DHX33: variants seen among roughly 807,000 people sequenced by gnomAD.
DHX33 encodes the protein ATP-dependent RNA helicase DHX33.
DHX33 carries 42 observed loss-of-function variants against 72.5 expected under a neutral mutation model. The observed-to-expected ratio is 0.58, with a 90% CI of 0.45 to 0.75. The LOEUF (loss-of-function observed/expected upper bound fraction) is 0.75. Among genes scored for constraint, DHX33 ranks in the 30% least tolerant of loss-of-function variants. DHX33 has a pLI of 0.00. For missense variants in DHX33, 842 were observed against 917.5 expected (o/e 0.92, Z 1.06); for synonymous variants, 358 against 366.1 (o/e 0.98, Z 0.25).
rs1380744180 is a variant in DHX33, at chr17:5,456,018, T to A, written c.1014A>T (p.Arg338=). ...YASLPYAQQL[R]VFQGAPKGYR... ...TCACCTTTGGGGCCCCTTGGAAGAC[T>A]CGGAGCTGCTGTGCATAGGGCAGGG... The change falls in exon 5 of 12, where the codon CGA becomes CGT. Residue 338 remains arginine, a synonymous_variant. Transcript: ENST00000225296. 1.2e-6 allele frequency: 2 copies of A among 1,612,504 alleles called. No homozygotes were observed. The highest frequency in any genetic ancestry group is 1.7e-6 in the Non-Finnish European group (2 of 1,179,948).
rs115018139 is a variant in DHX33, at chr17:5,461,582, C to T, written c.679-473G>A. Among the ~76,000 whole-genome samples, 491 of 149,402 alleles carry T rather than the reference C, an allele frequency of 3.3e-3. 3 individuals carry two copies. Among genetic ancestry groups the T allele is most frequent in the African/African-American group, 0.011 (448 of 40,108 alleles). On this transcript the variant is annotated intron_variant, in intron 3 of 11. Transcript: ENST00000225296. The stretch of plus-strand genomic sequence containing the variant: ...GCAGTGAGCTGAGATCGCGTCACCA[C>T]GCTGCAGCCTGGGTAACAGAGTGCA...
chr17:5,453,865 G>A lies in DHX33; in HGVS notation c.1263C>T (p.Asp421=), dbSNP rs199587803. 45 of 1,614,008 alleles carry A rather than the reference G, an allele frequency of 2.8e-5. No homozygotes were observed. The Admixed American group carries it at 2.8e-4, about 10-fold the overall frequency. The change falls in exon 7 of 12, where the codon GAC becomes GAT. Residue 421 remains aspartate, a synonymous_variant. Coordinates refer to ENST00000225296, the MANE Select transcript of DHX33 (RefSeq NM_020162.4). The stretch of plus-strand genomic sequence containing the variant: ...TCATCTTATCAAACTTCTCAAACTC[G>A]TCCTCCGTGTAGAGCCGGTAGCAGA... ...SGICYRLYTE[D]EFEKFDKMTV...
At position 5,444,194 on chromosome 17, in the gene DHX33, C is replaced by T; in HGVS notation, c.*11G>A. 3 of 1,608,898 alleles carry T rather than the reference C, an allele frequency of 1.9e-6. No individual in the cohort carries two copies. Among genetic ancestry groups the T allele is most frequent in the Non-Finnish European group, 2.6e-6 (3 of 1,176,248 alleles). On this transcript the variant is annotated 3_prime_UTR_variant, in exon 12 of 12. Coordinates refer to ENST00000225296, the MANE Select transcript of DHX33 (RefSeq NM_020162.4). This position sits in a 1 kb window ranked among gnomAD's most constrained non-coding sequence, Gnocchi z 4.9. Reference sequence around the variant, plus strand: ...CAGGGACCAGTGATTCTGGCGGCATCCTGGGGCGGCTCAGTTTCTGGCGGT... The same window carrying T: ...CAGGGACCAGTGATTCTGGCGGCATTCTGGGGCGGCTCAGTTTCTGGCGGT...
chr17:5,453,847 A>G lies in DHX33; in HGVS notation c.1281T>C (p.Asp427=). Residue 427 remains aspartate (D), a synonymous_variant, in exon 7 of 12, where the codon GAT becomes GAC. Transcript: ENST00000225296. The part of the protein sequence containing the change: ...LYTEDEFEKF[D]KMTVPEIQRC... ...TCTGGATCTCTGGCACGGTCATCTTATCAAACTTCTCAAACTCGTCCTCCG... is the reference window on the plus strand; with the variant it reads ...TCTGGATCTCTGGCACGGTCATCTTGTCAAACTTCTCAAACTCGTCCTCCG... 6.2e-7 allele frequency: 1 copy of G among 1,614,140 alleles called. No individual in the cohort carries two copies. The highest frequency in any genetic ancestry group is 8.5e-7 in the Non-Finnish European group (1 of 1,180,016).
chr17:5,450,988 A>G, intron 8 of DHX33, 54 bp from the exon 9 acceptor site: 1 of 1,594,306 alleles, frequency 6.3e-7, no homozygotes, highest in Non-Finnish European at 8.5e-7. Context: ...ATGAAGTTGC[A>G]GCTAGTTCAG....
intron 8 of DHX33, among the ~76,000 whole-genome samples, chr17:5,452,171 T>C (rs1380543856): frequency 6.6e-6 from 1 of 152,138 alleles, no homozygotes; most frequent in Non-Finnish European, 1.5e-5. Flanking sequence ...TTCATTTGTA[T>C]GTAAGAATTT....
intron 10 of DHX33, among the ~76,000 whole-genome samples, chr17:5,449,793 A>C (rs1916812152): frequency 6.6e-6 from 1 of 152,202 alleles, no homozygotes; most frequent in African/African-American, 2.4e-5. Context: ...TGTTTCATGA[A>C]TATAAAAAAT....
At chr17:5,468,461 C>G in intron 1 of DHX33, 110 bp downstream of exon 1, 1 of 1,362,438 alleles carries the variant, frequency 7.3e-7, no homozygotes, top group East Asian at 2.5e-5. Context: ...AAAAGGTATT[C>G]AGGTTTGTTG....
Position 5,458,988 on chromosome 17 carries a change from A to C in DHX33, c.849+1951T>G, listed in dbSNP as rs554742256. Among the ~76,000 whole-genome samples the C allele has an allele frequency of 2.0e-5, 3 of 152,274 alleles. No homozygotes were observed. In the South Asian group the frequency reaches 6.2e-4, roughly 32 times the overall value. The stretch of plus-strand genomic sequence containing the variant: ...TGAGTCGGGAAAATCACTTGAGGTC[A>C]GGAGTTTGAGACCAGTCCGGGCAAC... On this transcript the variant is annotated intron_variant, in intron 4 of 11. Transcript: ENST00000225296.
chr17:5,466,040 G>C (rs774491606), intron 1 of DHX33, among the ~76,000 whole-genome samples: 2 of 152,112 alleles, frequency 1.3e-5, no homozygotes, highest in Non-Finnish European at 2.9e-5. Flanking sequence ...CTGTTAGCTC[G>C]ATTCTATCTT....
intron 2 of DHX33, among the ~76,000 whole-genome samples, chr17:5,463,003 T>G (rs1219064554): frequency 6.6e-6 from 1 of 151,900 alleles, no homozygotes; most frequent in Admixed American, 6.6e-5. Context: ...AATTGCTTGG[T>G]TGGAGGCGGA....
chr17:5,454,283 C>A (rs1917094602), intron 6 of DHX33, among the ~76,000 whole-genome samples: 1 of 152,120 alleles, frequency 6.6e-6, no homozygotes, highest in South Asian at 2.1e-4. Context: ...GATGGCCAAC[C>A]CCTCCAGTTT....
At chr17:5,465,283 C>T (rs1189233837) in intron 1 of DHX33, among the ~76,000 whole-genome samples, 2 of 152,122 alleles carry the variant, frequency 1.3e-5, no homozygotes, top group Admixed American at 6.5e-5. Flanking sequence ...GTCTGTCAGC[C>T]CCCTCTGACT....
intron 2 of DHX33, 97 bp from the exon 3 acceptor site, chr17:5,462,643 G>GACCAAC (rs1358877860): frequency 1.2e-6 from 1 of 807,596 alleles, no homozygotes; most frequent in East Asian, 2.4e-5. Flanking sequence ...CAGTGAACAA[G>GACCAAC]ACCAACACCA....
intron 7 of DHX33, 21 bp downstream of exon 7, chr17:5,453,800 G>A (rs1180261728): frequency 2.5e-6 from 4 of 1,613,542 alleles, no homozygotes; most frequent in African/African-American, 2.7e-5. Flanking sequence ...CAGCAGCAGT[G>A]CAGGAGCAAC....
chr17:5,467,888 C>T (rs1904947961), intron 1 of DHX33, among the ~76,000 whole-genome samples: 2 of 152,190 alleles, frequency 1.3e-5, no homozygotes, highest in South Asian at 4.1e-4. Flanking sequence ...TAACTGCCAG[C>T]CGCGTTTCGT....
intron 4 of DHX33, 129 bp from the exon 5 acceptor site, chr17:5,456,311 AAGTTGATGTCT>A (rs1917191542): frequency 9.6e-7 from 1 of 1,040,258 alleles, no homozygotes; most frequent in Admixed American, 2.4e-5. Flanking sequence ...ATGAGCCTAA[AAGTTGATGTCT>A]AGCTTGGAGA....
At chr17:5,457,054 C>CTTAA (rs1465241226) in intron 4 of DHX33, among the ~76,000 whole-genome samples, 1 of 152,190 alleles carries the variant, frequency 6.6e-6, no homozygotes, top group African/African-American at 2.4e-5. Flanking sequence ...ATGTAAAGTG[C>CTTAA]TTAACACTTT....
intron 11 of DHX33, among the ~76,000 whole-genome samples, chr17:5,447,591 T>G (rs1468778912): frequency 8.6e-5 from 13 of 151,006 alleles, no homozygotes; most frequent in Admixed American, 8.6e-4. Flanking sequence ...GCCACTGCAC[T>G]CCAGCCTGGG....
Sources: gnomAD v4.1 joint callset for allele counts (sites outside exome capture counted in the v4.1 genomes callset) on GRCh38, gnomAD v4.1.1 for gene constraint, Gnocchi (gnomAD v3.1) non-coding constraint, MANE v1.5 for transcripts, NCBI Gene and HGNC (gene_info 2026-07-23, HGNC 2026-07-21) for gene names.